LRFN2: variants seen among roughly 807,000 people sequenced by gnomAD.
The protein encoded by LRFN2 is leucine rich repeat and fibronectin type III domain containing 2.
LRFN2 carries 18 observed loss-of-function variants against 37.3 expected under a neutral mutation model. That is an observed-to-expected ratio of 0.48 (90% CI 0.33 to 0.72). The LOEUF (loss-of-function observed/expected upper bound fraction) is 0.72. Ranked by LOEUF, LRFN2 falls within the 30% of genes least tolerant of loss-of-function variation. The pLI, the probability that LRFN2 is intolerant of heterozygous loss-of-function variation, is 0.02. For synonymous variants in LRFN2, 556 were observed against 466.6 expected (o/e 1.19, Z -2.47); for missense variants, 1,006 against 1,060.7 (o/e 0.95, Z 0.72).
intron 1 of LRFN2, among the ~76,000 whole-genome samples, chr6:40,493,838 C>A (rs1765156313): frequency 6.6e-6 from 1 of 152,222 alleles, no homozygotes; most frequent in South Asian, 2.1e-4. Context: ...CAGTCAGGGA[C>A]CAGTCTCAGG....
At chr6:40,503,310 G>A (rs1378653918) in intron 1 of LRFN2, among the ~76,000 whole-genome samples, 1 of 152,174 alleles carries the variant, frequency 6.6e-6, no homozygotes, top group Admixed American at 6.5e-5. Context: ...GAAAGAACTG[G>A]AGAGAGATCA....
At chr6:40,528,592 A>G (rs1766295393) in intron 1 of LRFN2, among the ~76,000 whole-genome samples, 1 of 152,212 alleles carries the variant, frequency 6.6e-6, no homozygotes, top group South Asian at 2.1e-4. Flanking sequence ...TCAGACTAAT[A>G]CAGATGCTTT....
chr6:40,453,034 T>A (rs886201416), intron 1 of LRFN2, among the ~76,000 whole-genome samples: 26 of 152,172 alleles, frequency 1.7e-4, no homozygotes, highest in African/African-American at 6.0e-4. Flanking sequence ...GCAAACTGCA[T>A]TGACAAAATA....
At chr6:40,393,975 T>C (rs1018716706) in intron 2 of LRFN2, among the ~76,000 whole-genome samples, 1 of 152,106 alleles carries the variant, frequency 6.6e-6, no homozygotes, top group Non-Finnish European at 1.5e-5. Flanking sequence ...AGTGCAGTGT[T>C]AAGGACTGGG....
At chr6:40,512,527 C>T (rs1765737266) in intron 1 of LRFN2, among the ~76,000 whole-genome samples, 1 of 152,184 alleles carries the variant, frequency 6.6e-6, no homozygotes, top group Non-Finnish European at 1.5e-5. Flanking sequence ...AGATTCTGTG[C>T]CCCCAGGCCA....
At chr6:40,524,084 G>A (rs569553468) in intron 1 of LRFN2, among the ~76,000 whole-genome samples, 1 of 152,270 alleles carries the variant, frequency 6.6e-6, no homozygotes, top group Admixed American at 6.5e-5. Flanking sequence ...CCTCATCATC[G>A]TGAACAACAG....
In LRFN2 at chr6:40,392,511, T is replaced by C. The variant is rs780333674; in HGVS notation, c.1802A>G (p.Lys601Arg). Residue 601 changes from lysine to arginine, a missense_variant, in exon 3 of 3, where the codon AAG (lysine) becomes AGG (arginine). Transcript: ENST00000338305. This position sits in a 1 kb window ranked among gnomAD's most constrained non-coding sequence, Gnocchi z 4.7. Reference sequence around the variant, plus strand: ...CAGGAGCTCGTTGCGCACCACCACCTTCGGCGGGCCCTGCGGCGGGGCCCC... The same window carrying C: ...CAGGAGCTCGTTGCGCACCACCACCCTCGGCGGGCCCTGCGGCGGGGCCCC... ...PAGAPPQGPP[K>R]VVVRNELLDF... 2.1e-5 allele frequency: 34 copies of C among 1,587,426 alleles called. No homozygotes were observed. In the African/African-American group the frequency reaches 3.5e-4, roughly 16 times the overall value.
intron 1 of LRFN2, among the ~76,000 whole-genome samples, chr6:40,527,220 T>G (rs761678867): frequency 6.6e-6 from 1 of 152,232 alleles, no homozygotes; most frequent in Non-Finnish European, 1.5e-5. Flanking sequence ...GGCCTAGAGC[T>G]GCAGACAGCC....
At chr6:40,406,212 G>C (rs1392711829) in intron 2 of LRFN2, among the ~76,000 whole-genome samples, 1 of 152,216 alleles carries the variant, frequency 6.6e-6, no homozygotes, top group African/African-American at 2.4e-5. Context: ...GGGTTGCTAC[G>C]AGGATGAAAT....
intron 1 of LRFN2, among the ~76,000 whole-genome samples, chr6:40,538,701 G>A (rs1766497600): frequency 6.6e-6 from 1 of 152,226 alleles, no homozygotes; most frequent in African/African-American, 2.4e-5. Flanking sequence ...TCACACGTGT[G>A]TCTGACGCAG....
At chr6:40,561,891 C>A (rs2113788867) in intron 1 of LRFN2, among the ~76,000 whole-genome samples, 1 of 152,188 alleles carries the variant, frequency 6.6e-6, no homozygotes, top group East Asian at 1.9e-4. Context: ...TCAGGGAACC[C>A]TAGGCATCTC....
intron 1 of LRFN2, among the ~76,000 whole-genome samples, chr6:40,471,060 C>T (rs933603034): frequency 3.3e-5 from 5 of 151,962 alleles, no homozygotes; most frequent in Admixed American, 1.3e-4. Flanking sequence ...AGGTGAGGGG[C>T]GTGGGGGGCA....
At chr6:40,459,760 G>A (rs551491073) in intron 1 of LRFN2, among the ~76,000 whole-genome samples, 1 of 152,232 alleles carries the variant, frequency 6.6e-6, no homozygotes, top group African/African-American at 2.4e-5. Context: ...AAGACACACA[G>A]CAAAGACTTG....
intron 1 of LRFN2, among the ~76,000 whole-genome samples, chr6:40,441,359 CGT>C (rs1442931982): frequency 6.6e-6 from 1 of 151,928 alleles, no homozygotes; most frequent in Non-Finnish European, 1.5e-5. Context: ...CAACAGTGGG[CGT>C]GTGTGACAGC....
intron 1 of LRFN2, among the ~76,000 whole-genome samples, chr6:40,548,581 C>A (rs986368203): frequency 3.9e-5 from 6 of 152,094 alleles, no homozygotes; most frequent in Non-Finnish European, 8.8e-5. Flanking sequence ...AGCTATTATC[C>A]CAAAAGCTCT....
At chr6:40,425,734 C>A (rs747912572) in intron 2 of LRFN2, among the ~76,000 whole-genome samples, 3 of 152,360 alleles carry the variant, frequency 2.0e-5, no homozygotes, top group South Asian at 2.1e-4. Context: ...TGTGTCACAG[C>A]GCCTGCCTGC....
chr6:40,423,233 G>A (rs188509454), intron 2 of LRFN2, among the ~76,000 whole-genome samples: 2 of 152,188 alleles, frequency 1.3e-5, no homozygotes, highest in Admixed American at 6.5e-5. Context: ...TCTGAAAGGG[G>A]TTATACCTTA....
At chr6:40,514,459 C>T (rs1303633367) in intron 1 of LRFN2, among the ~76,000 whole-genome samples, 5 of 152,098 alleles carry the variant, frequency 3.3e-5, no homozygotes, top group African/African-American at 4.8e-5. Context: ...GGATTACATG[C>T]GTGCACCACC....
chr6:40,459,738 G>A (rs1278277147), intron 1 of LRFN2, among the ~76,000 whole-genome samples: 1 of 152,242 alleles, frequency 6.6e-6, no homozygotes, highest in Non-Finnish European at 1.5e-5. Context: ...GTGCCTTCTG[G>A]ATGGGTTGGT....
Sources: allele counts gnomAD v4.1 joint callset (sites outside exome capture counted in the v4.1 genomes callset), GRCh38; gene constraint gnomAD v4.1.1; non-coding constraint Gnocchi (gnomAD v3.1); transcripts MANE v1.5; gene names NCBI Gene and HGNC (gene_info 2026-07-23, HGNC 2026-07-21).